ARB2A: variants seen among roughly 807,000 people sequenced by gnomAD.
The protein encoded by ARB2A is ARB2 cotranscriptional regulator A.
chr5:94,006,492 G>T, the ARB2A span, among the ~76,000 whole-genome samples: 1 of 152,218 alleles, frequency 6.6e-6, no homozygotes, highest in South Asian at 2.1e-4. Flanking sequence ...ATATGATGTT[G>T]TACTATCAGT....
chr5:93,773,121 C>T, the ARB2A span, among the ~76,000 whole-genome samples: 16 of 152,200 alleles, frequency 1.1e-4, no homozygotes, highest in Non-Finnish European at 2.1e-4. Flanking sequence ...CTTTAGTGAT[C>T]CACTAGTAGA....
At chr5:93,654,144 A>G in the ARB2A span, among the ~76,000 whole-genome samples, 1 of 152,224 alleles carries the variant, frequency 6.6e-6, no homozygotes, top group African/African-American at 2.4e-5. Context: ...AAAACAGAAA[A>G]AAATGAAAAC....
chr5:93,785,151 G>T, the ARB2A span, among the ~76,000 whole-genome samples: 3 of 152,064 alleles, frequency 2.0e-5, no homozygotes, highest in African/African-American at 7.2e-5. Context: ...AACAAAAAAA[G>T]ATTTGCTTGG....
the ARB2A span, among the ~76,000 whole-genome samples, chr5:93,717,566 A>C: frequency 6.6e-6 from 1 of 152,008 alleles, no homozygotes; most frequent in Admixed American, 6.6e-5. Context: ...TACACTTGTG[A>C]AAAATTCTTT....
At chr5:93,748,098 C>A in the ARB2A span, among the ~76,000 whole-genome samples, 1 of 152,024 alleles carries the variant, frequency 6.6e-6, no homozygotes, top group Non-Finnish European at 1.5e-5. Flanking sequence ...AGACATTGGT[C>A]TTTTCTGATT....
At chr5:93,741,787 T>G in the ARB2A span, 1 of 492,586 alleles carries the variant, frequency 2.0e-6, no homozygotes, top group Non-Finnish European at 3.5e-6. Context: ...CCAACTCCCA[T>G]AGAGGTACAA....
At chr5:93,781,937 A>G in the ARB2A span, 1 of 985,212 alleles carries the variant, frequency 1.0e-6, no homozygotes, top group Non-Finnish European at 1.2e-6. Context: ...TCGTTATTTC[A>G]AGGAGTCTTG....
chr5:94,005,981 T>C, the ARB2A span, among the ~76,000 whole-genome samples: 2 of 152,176 alleles, frequency 1.3e-5, no homozygotes, highest in African/African-American at 4.8e-5. Context: ...GGCAGTTTCT[T>C]AAAAAACTAA....
chr5:93,951,631 G>T, the ARB2A span, among the ~76,000 whole-genome samples: 5 of 152,120 alleles, frequency 3.3e-5, no homozygotes, highest in Admixed American at 6.5e-5. Flanking sequence ...TAAGTTCACT[G>T]TAGATGTATG....
the ARB2A span, among the ~76,000 whole-genome samples, chr5:93,946,879 T>C: frequency 6.6e-6 from 1 of 152,200 alleles, no homozygotes; most frequent in African/African-American, 2.4e-5. Context: ...ATGCTTTTAC[T>C]CTCAAAAACA....
chr5:93,754,615 C>T, the ARB2A span, among the ~76,000 whole-genome samples: 1 of 152,180 alleles, frequency 6.6e-6, no homozygotes, highest in Non-Finnish European at 1.5e-5. Flanking sequence ...TCAGAAGATA[C>T]CAGTGCTCTA....
the ARB2A span, among the ~76,000 whole-genome samples, chr5:93,644,491 C>T: frequency 2.0e-5 from 3 of 152,258 alleles, no homozygotes; most frequent in East Asian, 5.8e-4. Flanking sequence ...CACAATTATC[C>T]ACTGTTGATC....
chr5:93,897,431 A>G, the ARB2A span, among the ~76,000 whole-genome samples: 3 of 152,042 alleles, frequency 2.0e-5, no homozygotes, highest in South Asian at 6.2e-4. Flanking sequence ...AGAAAATATA[A>G]TTGTACTTTT....
At chr5:94,049,923 T>G in the ARB2A span, among the ~76,000 whole-genome samples, 1 of 152,146 alleles carries the variant, frequency 6.6e-6, no homozygotes, top group Non-Finnish European at 1.5e-5. Context: ...GAAGTATAAG[T>G]TTGTGTAAAA....
the ARB2A span, among the ~76,000 whole-genome samples, chr5:93,889,463 A>G: frequency 6.6e-6 from 1 of 151,878 alleles, no homozygotes; most frequent in Non-Finnish European, 1.5e-5. Flanking sequence ...TTCTTCTGCT[A>G]AATAATTTAA....
the ARB2A span, among the ~76,000 whole-genome samples, chr5:93,916,543 G>A: frequency 1.3e-5 from 2 of 152,078 alleles, no homozygotes; most frequent in African/African-American, 4.8e-5. Context: ...TGTGGTGTGA[G>A]GCAAAAGTAG....
At chr5:93,698,366 G>A in the ARB2A span, among the ~76,000 whole-genome samples, 1 of 152,102 alleles carries the variant, frequency 6.6e-6, no homozygotes, top group South Asian at 2.1e-4. Context: ...ATTCTAGTGA[G>A]GAGAAGTTGA....
At chr5:93,683,344 T>C in the ARB2A span, 4 of 1,604,148 alleles carry the variant, frequency 2.5e-6, no homozygotes. Context: ...CTTCATCTTC[T>C]GACTCTGCAT....
At chr5:94,075,901 A>C in the ARB2A span, among the ~76,000 whole-genome samples, 1 of 152,180 alleles carries the variant, frequency 6.6e-6, no homozygotes, top group Admixed American at 6.5e-5. Context: ...CTCTGGCTCC[A>C]CTAAGAACTA....
Sources: allele counts gnomAD v4.1 joint callset (sites outside exome capture counted in the v4.1 genomes callset), GRCh38; gene constraint gnomAD v4.1.1; transcripts MANE v1.5; gene names NCBI Gene and HGNC (gene_info 2026-07-23, HGNC 2026-07-21).